Variants in RORA observed in about 807,000 individuals in gnomAD.
RORA encodes the protein RAR related orphan receptor A, also known as nuclear receptor ROR-alpha.
Under a neutral mutation model 69.5 loss-of-function variants are expected in RORA, and 7 were observed. That is an observed-to-expected ratio of 0.10 (90% CI 0.06 to 0.19). RORA has a LOEUF of 0.19. Ranked by LOEUF, RORA falls within the 10% of genes least tolerant of loss-of-function variation. The pLI, the probability that RORA is intolerant of heterozygous loss-of-function variation, is 1.00. For synonymous variants in RORA, 261 were observed against 240.8 expected (o/e 1.08, Z -0.78); for missense variants, 457 against 663.0 (o/e 0.69, Z 3.41).
intron 1 of RORA, among the ~76,000 whole-genome samples, chr15:60,777,811 T>C (rs1382816473): frequency 2.0e-5 from 3 of 152,038 alleles, no homozygotes; most frequent in Non-Finnish European, 4.4e-5. Context: ...AAAATACCCA[T>C]AGTCGAGGAG....
chr15:61,172,421 T>C (rs2079593124), intron 1 of RORA, among the ~76,000 whole-genome samples: 1 of 152,184 alleles, frequency 6.6e-6, no homozygotes. Context: ...TAAAATCGGT[T>C]GGCTTAACAG....
chr15:60,772,808 T>TTCC (rs1477360910), intron 1 of RORA, among the ~76,000 whole-genome samples: 3 of 152,328 alleles, frequency 2.0e-5, no homozygotes, highest in Middle Eastern at 3.4e-3. Context: ...TGCACTGCGA[T>TTCC]TCCTCCTCCT....
intron 1 of RORA, among the ~76,000 whole-genome samples, chr15:61,062,249 G>T (rs1313094066): frequency 6.6e-6 from 1 of 152,164 alleles, no homozygotes; most frequent in Non-Finnish European, 1.5e-5. Context: ...ACAGAACTGG[G>T]GAGACGGCTC....
intron 1 of RORA, among the ~76,000 whole-genome samples, chr15:61,078,956 A>G (rs137884167): frequency 6.6e-6 from 1 of 152,338 alleles, no homozygotes; most frequent in East Asian, 1.9e-4. Flanking sequence ...TTAAGAAATA[A>G]GAAAACCCAG....
intron 1 of RORA, among the ~76,000 whole-genome samples, chr15:60,931,807 C>T (rs941007266): frequency 3.3e-5 from 5 of 152,218 alleles, no homozygotes; most frequent in South Asian, 4.1e-4. Flanking sequence ...ATAGCTCAGA[C>T]TCAAAACAGT....
rs1036948277 is a variant in RORA at position 61,191,942 on chromosome 15, C to T, written c.166+37111G>A. ...GCTTCGCTTCTCTAAGAAAAGCCTGCCTAGAATGAAGATACAACTGCTGTC... is the reference window on the plus strand; with the variant it reads ...GCTTCGCTTCTCTAAGAAAAGCCTGTCTAGAATGAAGATACAACTGCTGTC... On this transcript the variant is annotated intron_variant, in intron 1 of 10. Coordinates refer to ENST00000335670, the MANE Select transcript of RORA (RefSeq NM_134261.3). Among the ~76,000 whole-genome samples, 12 of 152,340 alleles carry T rather than the reference C, an allele frequency of 7.9e-5. No homozygotes were observed. The South Asian group carries it at 1.9e-3, about 24-fold the overall frequency.
At chr15:60,907,415 C>T (rs543679562) in intron 1 of RORA, among the ~76,000 whole-genome samples, 4 of 152,278 alleles carry the variant, frequency 2.6e-5, no homozygotes, top group Non-Finnish European at 5.9e-5. Context: ...CCACTCAGAC[C>T]AGACACCAGC....
intron 1 of RORA, among the ~76,000 whole-genome samples, chr15:60,948,974 G>T (rs1892994168): frequency 6.6e-6 from 1 of 152,194 alleles, no homozygotes; most frequent in Admixed American, 6.5e-5. Context: ...CAGGCAAACA[G>T]GAAACAGGCA....
chr15:60,711,972 G>A (rs1022931041), intron 1 of RORA, among the ~76,000 whole-genome samples: 2 of 151,376 alleles, frequency 1.3e-5, no homozygotes, highest in Admixed American at 1.3e-4. Context: ...TTCTGCAACA[G>A]TATAATAAAA....
intron 2 of RORA, among the ~76,000 whole-genome samples, chr15:60,649,104 A>G (rs887174126): frequency 7.9e-5 from 12 of 152,084 alleles, no homozygotes; most frequent in African/African-American, 2.9e-4. Flanking sequence ...TTCCCATTCC[A>G]AGCCATAGCC....
intron 1 of RORA, among the ~76,000 whole-genome samples, chr15:60,955,736 T>C (rs1482768067): frequency 1.3e-5 from 2 of 152,206 alleles, no homozygotes; most frequent in East Asian, 3.8e-4. Context: ...AGAGCCAGGG[T>C]GGAGCAAGAG....
intron 1 of RORA, among the ~76,000 whole-genome samples, chr15:61,034,714 A>G (rs961875386): frequency 3.2e-5 from 3 of 92,826 alleles, no homozygotes; most frequent in African/African-American, 1.7e-4. Flanking sequence ...AAGTTCAAGG[A>G]AAAAAAAAAT....
At chr15:61,122,372 C>G (rs1319707171) in intron 1 of RORA, among the ~76,000 whole-genome samples, 1 of 152,102 alleles carries the variant, frequency 6.6e-6, no homozygotes, top group Admixed American at 6.5e-5. Context: ...TTCTAAGAAT[C>G]CAGACACAAG....
chr15:60,691,553 G>T (rs912766943), intron 1 of RORA, among the ~76,000 whole-genome samples: 1 of 152,178 alleles, frequency 6.6e-6, no homozygotes. Flanking sequence ...GAGAAGACAA[G>T]AGGAGCATAG....
At chr15:60,850,099 C>T (rs911056166) in intron 1 of RORA, among the ~76,000 whole-genome samples, 7 of 152,128 alleles carry the variant, frequency 4.6e-5, no homozygotes, top group African/African-American at 1.7e-4. Flanking sequence ...CTGCCAAATC[C>T]CAGGGAGGAG....
chr15:60,922,568 T>C (rs562453639), intron 1 of RORA, among the ~76,000 whole-genome samples: 3 of 152,364 alleles, frequency 2.0e-5, no homozygotes, highest in Non-Finnish European at 2.9e-5. Context: ...CTCATAAATA[T>C]ATTTTCACAA....
chr15:60,788,304 G>C (rs1234455419), intron 1 of RORA, among the ~76,000 whole-genome samples: 1 of 152,162 alleles, frequency 6.6e-6, no homozygotes, highest in Non-Finnish European at 1.5e-5. Flanking sequence ...ACAGTCGAGT[G>C]GGGAGACAGA....
chr15:61,071,739 T>C (rs1438525017), intron 1 of RORA, among the ~76,000 whole-genome samples: 2 of 149,744 alleles, frequency 1.3e-5, no homozygotes, highest in Admixed American at 1.3e-4. Flanking sequence ...GGAACAGGCT[T>C]ATTCTTTGGA....
At chr15:61,148,856 C>G (rs1412282738) in intron 1 of RORA, among the ~76,000 whole-genome samples, 1 of 152,126 alleles carries the variant, frequency 6.6e-6, no homozygotes, top group Admixed American at 6.5e-5. Context: ...AAAATCTACC[C>G]AGGTATGAAA....
Sources: allele counts gnomAD v4.1 joint callset (sites outside exome capture counted in the v4.1 genomes callset), GRCh38; gene constraint gnomAD v4.1.1; transcripts MANE v1.5; gene names NCBI Gene and HGNC (gene_info 2026-07-23, HGNC 2026-07-21).